The following GLIPR1 variants were observed in gnomAD, a reference collection of about 807,000 sequenced individuals.
The protein encoded by GLIPR1 is GLI pathogenesis related 1.
Under a neutral mutation model 30.3 loss-of-function variants are expected in GLIPR1, and 38 were observed. That is an observed-to-expected ratio of 1.26 (90% CI 0.97 to 1.65). The LOEUF (loss-of-function observed/expected upper bound fraction) is 1.65, where lower values mean the gene tolerates loss of function less well. Among genes scored for constraint, GLIPR1 ranks in the 40% most tolerant of loss-of-function variants. GLIPR1 has a pLI of 0.00. For synonymous variants in GLIPR1, 122 were observed against 110.6 expected (o/e 1.10, Z -0.65); for missense variants, 285 against 326.5 (o/e 0.87, Z 0.98).
Position 75,499,950 on chromosome 12 carries a change from A to G in GLIPR1, c.*972A>G, listed in dbSNP as rs746292748. The G allele has an allele frequency of 1.3e-6, 2 of 1,594,862 alleles. No individual in the cohort carries two copies. The highest frequency in any genetic ancestry group is 1.8e-5 in the Admixed American group (1 of 56,748). On this transcript the variant is annotated 3_prime_UTR_variant, in exon 6 of 6. Coordinates refer to ENST00000266659, the MANE Select transcript of GLIPR1 (RefSeq NM_006851.3). ...CCACATCAATTTTAGTTTCAGTAGA[A>G]GCTAGACAAATTAAAAGCACAACAC...
chr12:75,495,496 G>A, intron 3 of GLIPR1, 81 bp from the exon 4 acceptor site: 1 of 729,926 alleles, frequency 1.4e-6, no homozygotes, highest in Non-Finnish European at 2.5e-6. Context: ...TATTCTTCTG[G>A]ATTTAGTTAA....
chr12:75,487,792 C>T (rs2046300543), intron 2 of GLIPR1: 3 of 456,266 alleles, frequency 6.6e-6, no homozygotes, highest in South Asian at 3.1e-5. Context: ...TCTTGAATCT[C>T]GCGCGAGAAA....
intron 2 of GLIPR1, 112 bp from the exon 3 acceptor site, chr12:75,490,294 G>T: frequency 1.6e-6 from 1 of 637,572 alleles, no homozygotes; most frequent in Non-Finnish European, 2.8e-6. Context: ...ACCTTCCTGG[G>T]TTTTAAGCAC....
chr12:75,493,949 A>G (rs1163611011), intron 3 of GLIPR1: 1 of 152,244 alleles, frequency 6.6e-6, no homozygotes, highest in African/African-American at 2.4e-5. Flanking sequence ...TGACTTTATT[A>G]AAATCATTCT....
chr12:75,500,046 G>T lies in GLIPR1; in HGVS notation c.*1068G>T. ...TAACAAAGAATATATGTTTAAGGCA[G>T]TTAACTTCAGAGTATTCTTATAATT... On this transcript the variant is annotated 3_prime_UTR_variant, in exon 6 of 6. Coordinates refer to ENST00000266659, the MANE Select transcript of GLIPR1 (RefSeq NM_006851.3). The T allele has an allele frequency of 2.2e-6, 2 of 908,450 alleles. No individual in the cohort carries two copies. Among genetic ancestry groups the T allele is most frequent in the Non-Finnish European group, 3.2e-6 (2 of 615,616 alleles). 56.3% of individuals were successfully genotyped at this position (908,450 alleles called of 1,614,324 possible). A position where few individuals can be genotyped will look rare whatever the true frequency, so the allele number is the denominator to read the frequency against.
intron 3 of GLIPR1, chr12:75,491,564 A>T (rs915920510): frequency 2.0e-5 from 3 of 152,198 alleles, no homozygotes; most frequent in African/African-American, 7.2e-5. Context: ...TTAAGTACAT[A>T]TTGCCAAATT....
intron 3 of GLIPR1, chr12:75,492,616 A>G (rs2046329699): frequency 6.6e-6 from 1 of 152,154 alleles, no homozygotes; most frequent in African/African-American, 2.4e-5. Context: ...ATAAATGTAA[A>G]TTTTCCTGGT....
intron 2 of GLIPR1, among the ~76,000 whole-genome samples, chr12:75,488,030 G>A (rs2046301670): frequency 6.6e-6 from 1 of 152,080 alleles, no homozygotes; most frequent in Admixed American, 6.5e-5. Context: ...GTCATGGTGG[G>A]AGTGCAGCAG....
intron 2 of GLIPR1, among the ~76,000 whole-genome samples, chr12:75,488,025 G>A (rs531665967): frequency 6.6e-6 from 1 of 152,242 alleles, no homozygotes; most frequent in East Asian, 1.9e-4. Context: ...AAACTGTCAT[G>A]GTGGGAGTGC....
At position 75,499,011 on chromosome 12, in the gene GLIPR1, A is replaced by C; in HGVS notation, c.*33A>C. On this transcript the variant is annotated 3_prime_UTR_variant, in exon 6 of 6. Coordinates refer to ENST00000266659, the MANE Select transcript of GLIPR1 (RefSeq NM_006851.3). ...CAGGAAAGAAAAAACCCAAAAACCA[A>C]CCTCATTCACATATGGCTTTTTTTT... is the stretch of plus-strand genomic sequence containing the variant. 1 of 1,460,240 alleles carries C rather than the reference A, an allele frequency of 6.8e-7. No homozygotes were observed. Among genetic ancestry groups the C allele is most frequent in the Non-Finnish European group, 9.2e-7 (1 of 1,090,904 alleles). The allele number at this position is 1,460,240 out of a possible 1,614,324, so 90.5% of individuals were successfully genotyped here. A position where few individuals can be genotyped will look rare whatever the true frequency, so the allele number is the denominator to read the frequency against.
intron 3 of GLIPR1, 80 bp downstream of exon 3, chr12:75,490,598 T>C (rs1378995453): frequency 7.4e-6 from 4 of 537,066 alleles, no homozygotes; most frequent in Non-Finnish European, 1.3e-5. Context: ...AAAAACATTT[T>C]AGCAGTATTC....
chr12:75,481,096 A>T (rs867113237), intron 1 of GLIPR1, 42 bp downstream of exon 1: 8 of 1,474,658 alleles, frequency 5.4e-6, no homozygotes, highest in Middle Eastern at 3.6e-4. Flanking sequence ...TCAGTCAGAA[A>T]CAACTAATGT....
chr12:75,486,615 T>A (rs1292324184), intron 2 of GLIPR1, among the ~76,000 whole-genome samples: 1 of 152,180 alleles, frequency 6.6e-6, no homozygotes, highest in East Asian at 1.9e-4. Flanking sequence ...CTGACTTGGA[T>A]AGATAAACTG....
Position 75,480,827 on chromosome 12 carries a change from G to A in GLIPR1, c.-54G>A, listed in dbSNP as rs533784658. Reference sequence around the variant, plus strand: ...GAGCACTCAGGCAATCACACTCTCAGAAACTGCGGCGGCTCTGGACTGCAG... The same window carrying A: ...GAGCACTCAGGCAATCACACTCTCAAAAACTGCGGCGGCTCTGGACTGCAG... On this transcript the variant is annotated 5_prime_UTR_variant, in exon 1 of 6. Transcript: ENST00000266659. The A allele has an allele frequency of 1.2e-5, 18 of 1,457,016 alleles. No individual in the cohort carries two copies. In the East Asian group the frequency reaches 3.7e-4, roughly 30 times the overall value. The allele number at this position is 1,457,016 out of a possible 1,614,324, so 90.3% of individuals were successfully genotyped here. A position where few individuals can be genotyped will look rare whatever the true frequency, so the allele number is the denominator to read the frequency against.
In GLIPR1 at chr12:75,495,590, A is replaced by G. The variant is rs144379806; in HGVS notation, c.547A>G (p.Thr183Ala). 5.0e-6 allele frequency: 8 copies of G among 1,604,358 alleles called. No homozygotes were observed. In the Admixed American group the frequency reaches 5.0e-5, roughly 10 times the overall value. The change falls in exon 4 of 6, where the codon ACT (threonine) becomes GCT (alanine). Residue 183 changes from threonine to alanine, a missense_variant. Physicochemically the swap from Thr to Ala is moderately conservative, Grantham distance 58 (BLOSUM62 0). Transcript: ENST00000266659. ...TCTGCTTTACAGAGGGAATTACCCA[A>G]CTTGGCCATATAAGAGAGGAGCCAC... is the stretch of plus-strand genomic sequence containing the variant. ...CNYGPGGNYP[T>A]WPYKRGATCS...
chr12:75,497,270 T>C (rs1032007302), intron 4 of GLIPR1: 4 of 152,234 alleles, frequency 2.6e-5, no homozygotes, highest in Non-Finnish European at 5.9e-5. Context: ...TACTTCTGGT[T>C]TTAGCTTTTG....
Position 75,499,975 on chromosome 12 carries a change from C to T in GLIPR1, c.*997C>T. 5 of 1,558,972 alleles carry T rather than the reference C, an allele frequency of 3.2e-6. No homozygotes were observed. Among genetic ancestry groups the T allele is most frequent in the Admixed American group, 2.0e-5 (1 of 50,750 alleles). On this transcript the variant is annotated 3_prime_UTR_variant, in exon 6 of 6. Coordinates refer to ENST00000266659, the MANE Select transcript of GLIPR1 (RefSeq NM_006851.3). ...AGCTAGACAAATTAAAAGCACAACA[C>T]ATGTAATACTTTAGATTTTACCAAG...
In GLIPR1 at chr12:75,502,170, CA is replaced by C. The variant is rs2046398937; in HGVS notation, c.*3196del. 10 of 581,164 alleles carry C rather than the reference CA, an allele frequency of 1.7e-5. No individual in the cohort carries two copies. Among genetic ancestry groups the C allele is most frequent in the Non-Finnish European group, 3.0e-5 (10 of 329,906 alleles). 36.0% of individuals were successfully genotyped at this position (581,164 alleles called of 1,614,324 possible). A position where few individuals can be genotyped will look rare whatever the true frequency, so the allele number is the denominator to read the frequency against. ...GTCTAAGCTGAGGGGAATACATACACAAAAGTGTGGAGGTAGGAAAGCACCT... is the reference window on the plus strand; with the variant it reads ...GTCTAAGCTGAGGGGAATACATACACAAAGTGTGGAGGTAGGAAAGCACCT... On this transcript the variant is annotated 3_prime_UTR_variant, in exon 6 of 6. Coordinates refer to ENST00000266659, the MANE Select transcript of GLIPR1 (RefSeq NM_006851.3).
intron 3 of GLIPR1, chr12:75,491,956 G>A (rs1176554143): frequency 6.6e-6 from 1 of 152,108 alleles, no homozygotes; most frequent in Non-Finnish European, 1.5e-5. Flanking sequence ...GAGTGCTGTA[G>A]GTGTGAAGGA....
Sources: gnomAD v4.1 joint callset for allele counts (sites outside exome capture counted in the v4.1 genomes callset) on GRCh38, gnomAD v4.1.1 for gene constraint, MANE v1.5 for transcripts, NCBI Gene and HGNC (gene_info 2026-07-23, HGNC 2026-07-21) for gene names.